The following VPS13B variants were observed in gnomAD, a reference collection of about 807,000 sequenced individuals.
The protein encoded by VPS13B is vacuolar protein sorting 13 homolog B.
Under a neutral mutation model 426.4 loss-of-function variants are expected in VPS13B, and 285 were observed. The observed-to-expected ratio is 0.67, with a 90% CI of 0.61 to 0.74. The LOEUF (loss-of-function observed/expected upper bound fraction) is 0.74. Ranked by LOEUF, VPS13B falls within the 30% of genes least tolerant of loss-of-function variation. The pLI is 0.00. For missense variants in VPS13B, 4,537 were observed against 4,782.6 expected, an observed-to-expected ratio of 0.95 and a Z score of 1.51; for synonymous variants, 1,676 against 1,676.4, an observed-to-expected ratio of 1.00 and a Z score of 0.01.
chr8:99,589,380 A>C (rs941937330), intron 33 of VPS13B, among the ~76,000 whole-genome samples: 4 of 151,044 alleles, frequency 2.6e-5, no homozygotes, highest in African/African-American at 9.8e-5. Flanking sequence ...AACAGTCCCC[A>C]GTGTGTGATG....
chr8:99,442,226 CAA>C (rs1224310021), intron 22 of VPS13B, among the ~76,000 whole-genome samples, 173 bp from the exon 23 acceptor site: 6 of 152,162 alleles, frequency 3.9e-5, no homozygotes, highest in Non-Finnish European at 7.4e-5. Flanking sequence ...AAGTTTATAA[CAA>C]GAGTAAACAA....
chr8:99,705,578 A>G (rs1322133101), intron 36 of VPS13B, among the ~76,000 whole-genome samples: 1 of 152,100 alleles, frequency 6.6e-6, no homozygotes, highest in Non-Finnish European at 1.5e-5. Context: ...AAGCACTAGG[A>G]GGTATGTGCT....
chr8:99,761,937 A>G (rs1239481198), intron 39 of VPS13B, among the ~76,000 whole-genome samples: 1 of 152,224 alleles, frequency 6.6e-6, no homozygotes, highest in Non-Finnish European at 1.5e-5. Flanking sequence ...TAGCACAGCA[A>G]GGTGACTATA....
chr8:99,067,589 C>T (rs1169461264), intron 3 of VPS13B, among the ~76,000 whole-genome samples: 2 of 152,120 alleles, frequency 1.3e-5, no homozygotes, highest in African/African-American at 4.8e-5. Context: ...ACATGTATAC[C>T]TACGTAACAA....
At chr8:99,328,359 A>G (rs369776851) in intron 19 of VPS13B, among the ~76,000 whole-genome samples, 47 of 152,288 alleles carry the variant, frequency 3.1e-4, no homozygotes, top group African/African-American at 1.0e-3. Context: ...TCCATACTCA[A>G]TTGTGGGAGT....
At chr8:99,846,041 C>A (rs1232189215) in intron 54 of VPS13B, among the ~76,000 whole-genome samples, 2 of 152,190 alleles carry the variant, frequency 1.3e-5, no homozygotes, top group Non-Finnish European at 2.9e-5. Context: ...TAATCCTGCT[C>A]TATTCCCAGA....
chr8:99,553,178 G>A (rs538177360), intron 30 of VPS13B, among the ~76,000 whole-genome samples: 3 of 152,064 alleles, frequency 2.0e-5, no homozygotes, highest in Non-Finnish European at 4.4e-5. Context: ...GCTTTGGCAG[G>A]TGCTTATTTA....
chr8:99,634,813 G>A (rs1001439546), intron 33 of VPS13B, among the ~76,000 whole-genome samples: 1 of 151,804 alleles, frequency 6.6e-6, no homozygotes, highest in South Asian at 2.1e-4. Flanking sequence ...TTTGTTTAAT[G>A]TGCTTGCTAA....
chr8:99,567,967 G>A (rs1825266462), intron 31 of VPS13B, among the ~76,000 whole-genome samples: 1 of 152,124 alleles, frequency 6.6e-6, no homozygotes, highest in South Asian at 2.1e-4. Flanking sequence ...TTGGAGCTCA[G>A]GGAAGGCCCC....
chr8:99,540,038 TA>T (rs529924764), intron 30 of VPS13B, among the ~76,000 whole-genome samples: 1 of 5,026 alleles, frequency 2.0e-4, no homozygotes, highest in African/African-American at 7.3e-4. Flanking sequence ...TATATATATA[TA>T]TATATATATA....
intron 34 of VPS13B, among the ~76,000 whole-genome samples, chr8:99,643,263 G>C (rs1829444132): frequency 6.6e-6 from 1 of 152,148 alleles, no homozygotes; most frequent in South Asian, 2.1e-4. Context: ...GGTCACCTAA[G>C]ATTCAGTATT....
chr8:99,498,594 A>T (rs1233208152), intron 25 of VPS13B, among the ~76,000 whole-genome samples: 2 of 152,174 alleles, frequency 1.3e-5, no homozygotes, highest in African/African-American at 2.4e-5. Context: ...ACACATTCTA[A>T]CAATTGTTTG....
chr8:99,326,239 T>A (rs1031561256), intron 19 of VPS13B, among the ~76,000 whole-genome samples: 1 of 152,062 alleles, frequency 6.6e-6, no homozygotes, highest in Non-Finnish European at 1.5e-5. Flanking sequence ...GTGCGACAGG[T>A]ACTCAGTGTA....
chr8:99,060,664 A>G (rs1040352870), intron 3 of VPS13B, among the ~76,000 whole-genome samples: 11 of 152,120 alleles, frequency 7.2e-5, no homozygotes, highest in Non-Finnish European at 1.3e-4. Context: ...TATGATGTAT[A>G]ATCCTGAAAT....
At chr8:99,329,752 T>C (rs1035065530) in intron 19 of VPS13B, among the ~76,000 whole-genome samples, 6 of 152,072 alleles carry the variant, frequency 3.9e-5, no homozygotes, top group Admixed American at 6.6e-5. Context: ...GTCATTCTTA[T>C]CATCTTGACA....
intron 39 of VPS13B, among the ~76,000 whole-genome samples, chr8:99,756,986 GAAT>G (rs916956328): frequency 6.6e-6 from 1 of 152,086 alleles, no homozygotes; most frequent in Non-Finnish European, 1.5e-5. Context: ...TATAACATGG[GAAT>G]AATATTTTCC....
intron 19 of VPS13B, among the ~76,000 whole-genome samples, chr8:99,316,984 A>C (rs1383030058): frequency 6.6e-6 from 1 of 152,238 alleles, no homozygotes; most frequent in African/African-American, 2.4e-5. Flanking sequence ...ACAGAAACAA[A>C]TGTTCTTACT....
chr8:99,582,800 C>T (rs556158463), intron 33 of VPS13B, among the ~76,000 whole-genome samples: 363 of 152,202 alleles, frequency 2.4e-3, no homozygotes, highest in Non-Finnish European at 3.8e-3. Context: ...GGACTAGAGG[C>T]GCCCGCCACC....
chr8:99,671,305 C>A (rs566532975), intron 35 of VPS13B, among the ~76,000 whole-genome samples: 1 of 152,078 alleles, frequency 6.6e-6, no homozygotes, highest in Admixed American at 6.5e-5. Flanking sequence ...CTATTTAGGT[C>A]TTTTTCCTAT....
Sources: gnomAD v4.1 joint callset for allele counts (sites outside exome capture counted in the v4.1 genomes callset) on GRCh38, gnomAD v4.1.1 for gene constraint, MANE v1.5 for transcripts, NCBI Gene and HGNC (gene_info 2026-07-23, HGNC 2026-07-21) for gene names.